The following UGT1A10 variants were observed in gnomAD, a reference collection of about 807,000 sequenced individuals.
UGT1A10 encodes UDP-glucuronosyltransferase 1A10.
UGT1A10 carries 49 observed loss-of-function variants against 45.8 expected under a neutral mutation model. The ratio of observed to expected loss-of-function variants is 1.07; its 90% CI spans 0.85 to 1.36. The LOEUF (loss-of-function observed/expected upper bound fraction) is 1.36. Among genes scored for constraint, UGT1A10 ranks in the 40% most tolerant of loss-of-function variants. The pLI is 0.00. For missense variants in UGT1A10, 745 were observed against 668.6 expected (o/e 1.11, Z -1.26); for synonymous variants, 284 against 249.7 (o/e 1.14, Z -1.29).
chr2:233,711,925 CT>C (rs1575497167), intron 1 of UGT1A10, among the ~76,000 whole-genome samples: 1 of 152,210 alleles, frequency 6.6e-6, no homozygotes, highest in East Asian at 1.9e-4. Flanking sequence ...CTCAGGGTCT[CT>C]CCATTAGAAA....
chr2:233,665,491 G>T lies in UGT1A10; in HGVS notation c.855+28114G>T, dbSNP rs191610645. 8.2e-3 allele frequency among the ~76,000 whole-genome samples: 1,247 copies of T among 152,276 alleles called. 9 individuals are homozygous for T. The highest frequency in any genetic ancestry group is 0.028 in the African/African-American group (1,173 of 41,558). On this transcript the variant is annotated intron_variant, in intron 1 of 4. Transcript: ENST00000344644. ...CAAAGTAGTGCCTTGTACACTTTTTGACTTGAAATACAGGAGGCAGAAGCA... is the reference window on the plus strand; with the variant it reads ...CAAAGTAGTGCCTTGTACACTTTTTTACTTGAAATACAGGAGGCAGAAGCA...
chr2:233,654,157 T>G (rs1451829825), intron 1 of UGT1A10, among the ~76,000 whole-genome samples: 1 of 152,170 alleles, frequency 6.6e-6, no homozygotes, highest in African/African-American at 2.4e-5. Context: ...GCTGACAATT[T>G]AACCTTGTGA....
intron 1 of UGT1A10, among the ~76,000 whole-genome samples, chr2:233,735,780 G>A (rs1327428740): frequency 7.9e-5 from 12 of 152,112 alleles, no homozygotes; most frequent in Admixed American, 6.5e-4. Context: ...GCTTACTTTG[G>A]CTGCATATGA....
At chr2:233,746,495 C>G (rs536618082) in intron 1 of UGT1A10, among the ~76,000 whole-genome samples, 12 of 151,904 alleles carry the variant, frequency 7.9e-5, no homozygotes, top group Admixed American at 4.6e-4. Context: ...ACATGTCACT[C>G]TTTAGTAGCC....
chr2:233,743,462 C>A (rs372766492), intron 1 of UGT1A10: 25 of 1,366,220 alleles, frequency 1.8e-5, no homozygotes, highest in Middle Eastern at 2.1e-4. Flanking sequence ...GAAAAAACAC[C>A]CCCAAAAGCT....
At chr2:233,722,848 T>C (rs1217979615) in intron 1 of UGT1A10, among the ~76,000 whole-genome samples, 1 of 128,186 alleles carries the variant, frequency 7.8e-6, no homozygotes, top group Non-Finnish European at 1.7e-5. Flanking sequence ...AATGTTTCTT[T>C]TTTTTTTTTT....
At chr2:233,704,693 G>A (rs1034818342) in intron 1 of UGT1A10, among the ~76,000 whole-genome samples, 16 of 152,062 alleles carry the variant, frequency 1.1e-4, no homozygotes, top group African/African-American at 3.9e-4. Context: ...TTACCTTATG[G>A]TATCATTTCT....
intron 1 of UGT1A10, among the ~76,000 whole-genome samples, chr2:233,690,231 T>A (rs1054850541): frequency 6.6e-6 from 1 of 152,232 alleles, no homozygotes; most frequent in Non-Finnish European, 1.5e-5. Context: ...TATTCTAGAT[T>A]CAGCAAATTT....
chr2:233,656,176 A>G (rs1331687673), intron 1 of UGT1A10, among the ~76,000 whole-genome samples: 1 of 152,216 alleles, frequency 6.6e-6, no homozygotes, highest in Non-Finnish European at 1.5e-5. Context: ...TTGAACACAC[A>G]TGCATGTTAC....
intron 1 of UGT1A10, among the ~76,000 whole-genome samples, chr2:233,715,022 G>C (rs1438116974): frequency 6.6e-6 from 1 of 152,060 alleles, no homozygotes; most frequent in Non-Finnish European, 1.5e-5. Flanking sequence ...AACTACAGGC[G>C]CATGGCACCA....
intron 1 of UGT1A10, among the ~76,000 whole-genome samples, chr2:233,700,715 T>C (rs988984711): frequency 6.6e-6 from 1 of 152,182 alleles, no homozygotes; most frequent in Admixed American, 6.5e-5. Flanking sequence ...TTTTTTTCTT[T>C]TTTTAAAAAT....
At chr2:233,680,429 T>A (rs944633496) in intron 1 of UGT1A10, among the ~76,000 whole-genome samples, 3 of 152,206 alleles carry the variant, frequency 2.0e-5, no homozygotes, top group Non-Finnish European at 2.9e-5. Flanking sequence ...TAGTGTAGTA[T>A]GTACTAGAGG....
chr2:233,718,144 T>C (rs2076632951), intron 1 of UGT1A10: 2 of 232,512 alleles, frequency 8.6e-6, no homozygotes, highest in Non-Finnish European at 1.8e-5. Context: ...GAATCCTCAA[T>C]AAAGCCTTCC....
In UGT1A10 at chr2:233,638,616, A is replaced by G. The variant is rs2073367335; in HGVS notation, c.855+1239A>G. 2.0e-5 allele frequency among the ~76,000 whole-genome samples: 3 copies of G among 152,212 alleles called. No individual in the cohort carries two copies. The South Asian group carries it at 6.2e-4, about 31-fold the overall frequency. ...CCAGAATAAGATTCTTGGCAAACGC[A>G]TAGTTGCTAAATCCAGATGAAACAC... On this transcript the variant is annotated intron_variant, in intron 1 of 4. Coordinates refer to ENST00000344644, the MANE Select transcript of UGT1A10 (RefSeq NM_019075.4).
chr2:233,737,993 C>T (rs1690655503), intron 1 of UGT1A10, among the ~76,000 whole-genome samples: 1 of 151,916 alleles, frequency 6.6e-6, no homozygotes, highest in African/African-American at 2.4e-5. Flanking sequence ...GCTCTGTGTC[C>T]CCCACCAAAT....
At chr2:233,756,092 A>T (rs1575740943) in intron 1 of UGT1A10, 1 of 152,228 alleles carries the variant, frequency 6.6e-6, no homozygotes, top group Admixed American at 6.5e-5. Flanking sequence ...ATCAAGTAAC[A>T]TTATTACGGA....
chr2:233,712,795 G>A (rs551571775), intron 1 of UGT1A10, among the ~76,000 whole-genome samples: 4 of 152,284 alleles, frequency 2.6e-5, no homozygotes, highest in South Asian at 2.1e-4. Context: ...AGGAGTGATC[G>A]GTCTTTCCCA....
chr2:233,724,897 A>G (rs1186168071), intron 1 of UGT1A10, among the ~76,000 whole-genome samples: 1 of 137,504 alleles, frequency 7.3e-6, no homozygotes, highest in Non-Finnish European at 1.5e-5. Flanking sequence ...ACTGCACTCC[A>G]GCCTGGGCAC....
chr2:233,696,987 C>T lies in UGT1A10; in HGVS notation c.855+59610C>T, dbSNP rs541044034. On this transcript the variant is annotated intron_variant, in intron 1 of 4. Coordinates refer to ENST00000344644, the MANE Select transcript of UGT1A10 (RefSeq NM_019075.4). ...TATTGGATTTGGTTTGCTGGTGTTT[C>T]GTTGAGATTTTTGCATCTATGTTCG... Among the ~76,000 whole-genome samples, 10 of 152,010 alleles carry T rather than the reference C, an allele frequency of 6.6e-5. 1 individual carries two copies. The South Asian group carries it at 1.7e-3, about 25-fold the overall frequency.
Sources: allele counts gnomAD v4.1 joint callset (sites outside exome capture counted in the v4.1 genomes callset), GRCh38; gene constraint gnomAD v4.1.1; transcripts MANE v1.5; gene names NCBI Gene and HGNC (gene_info 2026-07-23, HGNC 2026-07-21).